Variants in BMPER observed in about 807,000 individuals in gnomAD.
BMPER encodes BMP binding endothelial regulator, also known as BMP-binding endothelial regulator protein.
Under a neutral mutation model 87.3 loss-of-function variants are expected in BMPER, and 45 were observed. The ratio of observed to expected loss-of-function variants is 0.52; its 90% CI spans 0.41 to 0.66. The LOEUF (loss-of-function observed/expected upper bound fraction) is 0.66. Ranked by LOEUF, BMPER falls within the 30% of genes least tolerant of loss-of-function variation. BMPER has a pLI of 0.00. For synonymous variants in BMPER, 326 were observed against 316.2 expected, an observed-to-expected ratio of 1.03 and a Z score of -0.33; for missense variants, 784 against 867.5, an observed-to-expected ratio of 0.90 and a Z score of 1.21.
intron 6 of BMPER, among the ~76,000 whole-genome samples, chr7:34,014,329 G>A (rs1241232163): frequency 6.6e-6 from 1 of 151,888 alleles, no homozygotes; most frequent in Non-Finnish European, 1.5e-5. Context: ...TCAGAGATGT[G>A]GAGCAGCATA....
intron 6 of BMPER, among the ~76,000 whole-genome samples, chr7:34,038,306 T>C (rs1787739177): frequency 6.6e-6 from 1 of 152,122 alleles, no homozygotes; most frequent in African/African-American, 2.4e-5. Flanking sequence ...CTGAAGGTGC[T>C]GCACTGATAG....
At chr7:33,975,564 C>T (rs779642865) in intron 6 of BMPER, among the ~76,000 whole-genome samples, 5 of 152,154 alleles carry the variant, frequency 3.3e-5, no homozygotes, top group African/African-American at 7.2e-5. Flanking sequence ...AGGGTGAAAT[C>T]AGTGGTGGTG....
chr7:33,914,917 A>G (rs1012785455), intron 2 of BMPER, among the ~76,000 whole-genome samples: 1 of 152,170 alleles, frequency 6.6e-6, no homozygotes, highest in Admixed American at 6.5e-5. Flanking sequence ...ATGTCAAATA[A>G]GGAACTTTCT....
At chr7:34,092,652 C>A (rs1789418863) in intron 13 of BMPER, among the ~76,000 whole-genome samples, 1 of 152,170 alleles carries the variant, frequency 6.6e-6, no homozygotes, top group South Asian at 2.1e-4. Context: ...ACCTCACCCA[C>A]AAGTAGGCTT....
In BMPER at chr7:34,101,416, C is replaced by CT. The variant is rs935997665; in HGVS notation, c.1745+15326dup. Among the ~76,000 whole-genome samples the CT allele has an allele frequency of 4.6e-4, 70 of 152,324 alleles. 1 individual carries two copies. Among genetic ancestry groups the CT allele is most frequent in the South Asian group, 6.2e-4 (3 of 4,822 alleles). ...TCACCTGTGTGTCACTGGCATCCTTCTTCATTAGTTACATCAGGTGGAAAA... is the reference window on the plus strand; with the variant it reads ...TCACCTGTGTGTCACTGGCATCCTTCTTTCATTAGTTACATCAGGTGGAAAA... On this transcript the variant is annotated intron_variant, in intron 13 of 14. Coordinates refer to ENST00000649409, the MANE Select transcript of BMPER (RefSeq NM_001365308.1).
intron 6 of BMPER, chr7:34,042,614 C>G (rs560715030): frequency 9.9e-5 from 15 of 152,098 alleles, no homozygotes; most frequent in Non-Finnish European, 2.1e-4. Context: ...TGAGACAGCC[C>G]AGAACTATGC....
rs551607813 is a variant in BMPER, at chr7:34,120,326, A to G, written c.1746-22904A>G. On this transcript the variant is annotated intron_variant, in intron 13 of 14. Coordinates refer to ENST00000649409, the MANE Select transcript of BMPER (RefSeq NM_001365308.1). ...GATATTCCAAAGATTGATGTAACAT[A>G]CAATACAATTAAATTTCAATTTCAA... Among the ~76,000 whole-genome samples the G allele has an allele frequency of 3.9e-3, 592 of 152,306 alleles. 2 individuals carry two copies. The highest frequency in any genetic ancestry group is 0.014 in the African/African-American group (578 of 41,580).
rs939545868 is a variant in BMPER at position 34,058,275 on chromosome 7, A to C, written c.1032+112A>C. On this transcript the variant is annotated intron_variant, in intron 10 of 14. Transcript: ENST00000649409. Reference sequence around the variant, plus strand: ...AGACTCCAGCTCCCCCAAAGCCTCTACATTCCTGACTAGTCAAATGCCTCT... The same window carrying C: ...AGACTCCAGCTCCCCCAAAGCCTCTCCATTCCTGACTAGTCAAATGCCTCT... 20 of 997,322 alleles carry C rather than the reference A, an allele frequency of 2.0e-5. No individual in the cohort carries two copies. In the African/African-American group the frequency reaches 3.2e-4, roughly 16 times the overall value. 61.8% of individuals were successfully genotyped at this position (997,322 alleles called of 1,614,324 possible). A position where few individuals can be genotyped will look rare whatever the true frequency, so the allele number is the denominator to read the frequency against.
intron 13 of BMPER, among the ~76,000 whole-genome samples, chr7:34,128,510 TG>T (rs1790461608): frequency 6.6e-6 from 1 of 152,198 alleles, no homozygotes. Flanking sequence ...AAATAATGTT[TG>T]CGCTTAGGTG....
At chr7:34,069,205 T>TA (rs1465645902) in intron 11 of BMPER, among the ~76,000 whole-genome samples, 3 of 152,166 alleles carry the variant, frequency 2.0e-5, no homozygotes, top group African/African-American at 7.2e-5. Context: ...ACACCTAAAA[T>TA]ACAGCTAAAC....
intron 13 of BMPER, among the ~76,000 whole-genome samples, chr7:34,101,377 T>C (rs1359683332): frequency 1.3e-5 from 2 of 152,218 alleles, no homozygotes; most frequent in African/African-American, 4.8e-5. Flanking sequence ...GGCATTTCAC[T>C]TCTTCACGGA....
intron 13 of BMPER, among the ~76,000 whole-genome samples, chr7:34,119,921 T>C (rs1790219399): frequency 6.6e-6 from 1 of 152,116 alleles, no homozygotes; most frequent in African/African-American, 2.4e-5. Context: ...AAAGTTGTTA[T>C]AGCAAGCATA....
At chr7:33,991,788 A>G (rs1292401336) in intron 6 of BMPER, among the ~76,000 whole-genome samples, 23 of 146,312 alleles carry the variant, frequency 1.6e-4, no homozygotes, top group Admixed American at 1.5e-3. Context: ...ACTGCTTTGA[A>G]TGCGTCCCAG....
intron 6 of BMPER, among the ~76,000 whole-genome samples, chr7:34,024,437 T>G (rs2127947824): frequency 6.8e-5 from 3 of 44,010 alleles, no homozygotes; most frequent in South Asian, 8.9e-4. Context: ...ATATATATGT[T>G]GGGGAGGGGT....
At chr7:33,912,873 A>G (rs897452654) in intron 2 of BMPER, among the ~76,000 whole-genome samples, 5 of 152,162 alleles carry the variant, frequency 3.3e-5, no homozygotes, top group Non-Finnish European at 7.3e-5. Flanking sequence ...CAGGTTATAA[A>G]TTCAATAATA....
chr7:33,909,007 C>T (rs1322265770), intron 2 of BMPER, among the ~76,000 whole-genome samples: 1 of 152,184 alleles, frequency 6.6e-6, no homozygotes, highest in Non-Finnish European at 1.5e-5. Flanking sequence ...CAGGAAGCTA[C>T]TTGGCATTTT....
At chr7:34,048,521 C>T (rs917115712) in intron 7 of BMPER, among the ~76,000 whole-genome samples, 1 of 152,186 alleles carries the variant, frequency 6.6e-6, no homozygotes, top group Non-Finnish European at 1.5e-5. Context: ...TGGCACAAAT[C>T]ATCATGCTGT....
At chr7:33,979,177 A>C (rs1050327425) in intron 6 of BMPER, among the ~76,000 whole-genome samples, 5 of 151,966 alleles carry the variant, frequency 3.3e-5, no homozygotes, top group African/African-American at 1.2e-4. Flanking sequence ...ATATGCATAC[A>C]CGCATATGCA....
At chr7:33,907,618 TTAAG>T (rs1473664614) in intron 2 of BMPER, among the ~76,000 whole-genome samples, 1 of 152,190 alleles carries the variant, frequency 6.6e-6, no homozygotes, top group African/African-American at 2.4e-5. Flanking sequence ...TTGGGGGAGA[TTAAG>T]TAATGTGAAT....
Sources: allele counts gnomAD v4.1 joint callset (sites outside exome capture counted in the v4.1 genomes callset), GRCh38; gene constraint gnomAD v4.1.1; transcripts MANE v1.5; gene names NCBI Gene and HGNC (gene_info 2026-07-23, HGNC 2026-07-21).